RNF19B: variants seen among roughly 807,000 people sequenced by gnomAD.
The protein encoded by RNF19B is E3 ubiquitin-protein ligase RNF19B.
A neutral mutation model predicts 65.5 loss-of-function variants in RNF19B; 23 were observed. The observed-to-expected ratio is 0.35, with a 90% CI of 0.25 to 0.50. The LOEUF (loss-of-function observed/expected upper bound fraction) is 0.50. Ranked by LOEUF, RNF19B falls within the 20% of genes least tolerant of loss-of-function variation. RNF19B has a pLI of 0.98. For synonymous variants in RNF19B, 372 were observed against 379.6 expected, an observed-to-expected ratio of 0.98 and a Z score of 0.23; for missense variants, 794 against 980.0, an observed-to-expected ratio of 0.81 and a Z score of 2.53.
At position 32,964,143 on chromosome 1, in the gene RNF19B, G is replaced by C; in HGVS notation, c.543C>G (p.Asp181Glu). ...NPHDIRLLLA[D>E]PPLMHKYEEF... ...CCTCGTACTTGTGCATAAGCGGCGG[G>C]TCGGCGAGCAGCAAGCGGATGTCGT... Residue 181 changes from aspartate (D) to glutamate (E), a missense_variant, in exon 1 of 9, where the codon GAC becomes GAG. Asp to Glu is a conservative substitution (Grantham distance 45, BLOSUM62 2). Coordinates refer to ENST00000235150, the MANE Select transcript of RNF19B (RefSeq NM_001300826.2). This position sits in a 1 kb window ranked among gnomAD's most constrained non-coding sequence, Gnocchi z 6.5. The C allele has an allele frequency of 6.5e-7, 1 of 1,544,406 alleles. No individual in the cohort carries two copies. The highest frequency in any genetic ancestry group is 1.2e-5 in the South Asian group (1 of 83,500).
intron 1 of RNF19B, among the ~76,000 whole-genome samples, chr1:32,956,405 G>C (rs1019238075): frequency 6.6e-6 from 1 of 150,988 alleles, no homozygotes; most frequent in African/African-American, 2.4e-5. Flanking sequence ...AAAATTAGCC[G>C]AGTGTGGTGG....
chr1:32,951,692 T>C (rs952017796), intron 1 of RNF19B, among the ~76,000 whole-genome samples: 18 of 152,204 alleles, frequency 1.2e-4, no homozygotes, highest in Admixed American at 2.0e-4. Context: ...TTCAAACCTA[T>C]ACCTTGAAAT....
At chr1:32,931,210 C>A in the RNF19B span, among the ~76,000 whole-genome samples, 1 of 152,154 alleles carries the variant, frequency 6.6e-6, no homozygotes, top group Non-Finnish European at 1.5e-5. Context: ...CCTGGTCCAA[C>A]ATCTTTGGAA....
At chr1:32,948,584 A>T (rs1642421130) in intron 2 of RNF19B, among the ~76,000 whole-genome samples, 1 of 152,168 alleles carries the variant, frequency 6.6e-6, no homozygotes, top group South Asian at 2.1e-4. Context: ...TGCCTATCCC[A>T]ACAACTGGCA....
chr1:32,953,821 G>A (rs1314473778), intron 1 of RNF19B, among the ~76,000 whole-genome samples: 1 of 151,616 alleles, frequency 6.6e-6, no homozygotes, highest in Non-Finnish European at 1.5e-5. Flanking sequence ...ATCCAGTAGG[G>A]AGCCTTGAAC....
chr1:32,948,809 T>C (rs1642425468), intron 2 of RNF19B, among the ~76,000 whole-genome samples: 2 of 152,236 alleles, frequency 1.3e-5, no homozygotes, highest in Admixed American at 1.3e-4. Context: ...ATCATTGTGA[T>C]TTGCTGTTAA....
chr1:32,937,413 C>CA, intron 8 of RNF19B, 154 bp from the exon 9 acceptor site: 1 of 1,191,798 alleles, frequency 8.4e-7, no homozygotes, highest in Non-Finnish European at 1.2e-6. Context: ...TTTAATCTAA[C>CA]ACTCAAATGA....
At chr1:32,953,457 T>C (rs761396203) in intron 1 of RNF19B, among the ~76,000 whole-genome samples, 3 of 152,180 alleles carry the variant, frequency 2.0e-5, no homozygotes, top group Non-Finnish European at 4.4e-5. Flanking sequence ...ACATGAGATG[T>C]TAATCATAGC....
At chr1:32,956,805 T>G (rs1289685491) in intron 1 of RNF19B, among the ~76,000 whole-genome samples, 1 of 152,278 alleles carries the variant, frequency 6.6e-6, no homozygotes, top group Middle Eastern at 3.4e-3. Context: ...AAGAAATGTG[T>G]TCCTATATTA....
intron 7 of RNF19B, among the ~76,000 whole-genome samples, chr1:32,939,347 C>A (rs1048903088): frequency 3.3e-5 from 5 of 152,168 alleles, no homozygotes; most frequent in Non-Finnish European, 7.3e-5. Context: ...ACCACCACAC[C>A]CAGCTAATTT....
intron 3 of RNF19B, among the ~76,000 whole-genome samples, chr1:32,947,264 C>A (rs1642387057): frequency 6.6e-6 from 1 of 152,222 alleles, no homozygotes; most frequent in Non-Finnish European, 1.5e-5. Flanking sequence ...GTTTCATTTA[C>A]ACAATGAATG....
At chr1:32,958,340 A>C (rs762956498) in intron 1 of RNF19B, among the ~76,000 whole-genome samples, 1 of 152,238 alleles carries the variant, frequency 6.6e-6, no homozygotes, top group African/African-American at 2.4e-5. Flanking sequence ...ATTTCCTCAC[A>C]AAACATTTTT....
At chr1:32,945,492 G>C (rs1399988336) in intron 5 of RNF19B, 22 bp downstream of exon 5, 3 of 1,428,632 alleles carry the variant, frequency 2.1e-6, no homozygotes, top group Non-Finnish European at 3.0e-6. Context: ...AGAGAGAAGA[G>C]GTGTGGTCCT....
intron 3 of RNF19B, 40 bp from the exon 4 acceptor site, chr1:32,946,604 A>T (rs1035717851): frequency 1.3e-6 from 2 of 1,581,718 alleles, no homozygotes; most frequent in Non-Finnish European, 1.7e-6. Context: ...CAACATTACA[A>T]ATACAGCTAG....
At chr1:32,934,957 C>T (rs1055100009), downstream of RNF19B, among the ~76,000 whole-genome samples, 6 of 151,804 alleles carry the variant, frequency 4.0e-5, no homozygotes, top group South Asian at 2.1e-4. Flanking sequence ...CTCAGCCTCC[C>T]GAGTAGCTGG....
At chr1:32,963,944 G>T in intron 1 of RNF19B, 107 bp downstream of exon 1, 2 of 1,347,764 alleles carry the variant, frequency 1.5e-6, no homozygotes, top group East Asian at 3.1e-5. Context: ...CGAAGCTGCC[G>T]CCTTGCGGGT....
In RNF19B at chr1:32,964,440, G is replaced by C. The variant is rs1238753870; in HGVS notation, c.246C>G (p.Ala82=). 9.0e-7 allele frequency: 1 copy of C among 1,113,818 alleles called. No homozygotes were observed. Among genetic ancestry groups the C allele is most frequent in the East Asian group, 4.7e-5 (1 of 21,382 alleles). The allele number at this position is 1,113,818 out of a possible 1,614,324, so 69.0% of individuals were successfully genotyped here. The stretch of plus-strand genomic sequence containing the variant: ...CCGCCTCGGCCTCGGCGGCCGGCTC[G>C]GCGGGCAGCGCCTCGGGCGGCGGGC... ...AQGPPPEALP[A]EPAAEAEAEA... The change falls in exon 1 of 9, where the codon GCC becomes GCG. Residue 82 remains alanine (A), a synonymous_variant. Coordinates refer to ENST00000235150, the MANE Select transcript of RNF19B (RefSeq NM_001300826.2). The surrounding 1 kb of genome is among the most constrained non-coding windows in gnomAD (Gnocchi z 6.5).
In RNF19B at chr1:32,964,210, A is replaced by G. The variant is rs774352642; in HGVS notation, c.476T>C (p.Val159Ala). 6.5e-7 allele frequency: 1 copy of G among 1,546,362 alleles called. No individual in the cohort carries two copies. The change falls in exon 1 of 9, where the codon GTG becomes GCG. Residue 159 changes from valine to alanine, a missense_variant. By Grantham distance (64) the Val-to-Ala change is moderately conservative. Around this residue, in one of 3 missense-constraint regions of RNF19B, gnomAD observed 374 missense variants for 423.8 expected, o/e 0.88. Coordinates refer to ENST00000235150, the MANE Select transcript of RNF19B (RefSeq NM_001300826.2). The surrounding 1 kb of genome is among the most constrained non-coding windows in gnomAD (Gnocchi z 6.5). ...GCTGCACTCGGGGCAGCTGATGGGC[A>G]CCCTGCTCTCGCTTATCTCCAGGCG... ...YLRLEISESR[V>A]PISCPECSER...
intron 7 of RNF19B, among the ~76,000 whole-genome samples, chr1:32,938,853 A>C (rs985774155): frequency 1.3e-5 from 2 of 152,166 alleles, no homozygotes. Flanking sequence ...AGTGTGAATA[A>C]AGACCCAATC....
Sources: allele counts gnomAD v4.1 joint callset (sites outside exome capture counted in the v4.1 genomes callset), GRCh38; gene constraint gnomAD v4.1.1; regional missense constraint gnomAD v4.1.1; non-coding constraint Gnocchi (gnomAD v3.1); transcripts MANE v1.5; gene names NCBI Gene and HGNC (gene_info 2026-07-23, HGNC 2026-07-21).